Variants in NEDD4 observed in about 807,000 individuals in gnomAD.
The protein encoded by NEDD4 is E3 ubiquitin-protein ligase NEDD4.
Under a neutral mutation model 144.9 loss-of-function variants are expected in NEDD4, and 99 were observed. The ratio of observed to expected loss-of-function variants is 0.68; its 90% CI spans 0.58 to 0.81. The LOEUF is 0.81. Ranked by LOEUF, NEDD4 falls within the 30% of genes least tolerant of loss-of-function variation. The probability of loss-of-function intolerance (pLI) is 0.00; values close to 1 mark genes in which losing one functional copy is unlikely to be tolerated. For missense variants in NEDD4, 985 were observed against 1,065.9 expected, an observed-to-expected ratio of 0.92 and a Z score of 1.06; for synonymous variants, 318 against 350.6, an observed-to-expected ratio of 0.91 and a Z score of 1.04.
chr15:55,857,927 G>C (rs1267050704), intron 11 of NEDD4, among the ~76,000 whole-genome samples: 1 of 152,102 alleles, frequency 6.6e-6, no homozygotes. Context: ...GCGACAGAGT[G>C]AGACCCTATC....
chr15:55,884,740 A>T (rs1169934668), intron 5 of NEDD4, among the ~76,000 whole-genome samples: 1 of 152,176 alleles, frequency 6.6e-6, no homozygotes, highest in African/African-American at 2.4e-5. Flanking sequence ...AGGCTATTTT[A>T]AAAAACACAG....
intron 4 of NEDD4, among the ~76,000 whole-genome samples, chr15:55,932,016 T>C (rs1358281560): frequency 6.6e-6 from 1 of 152,198 alleles, no homozygotes; most frequent in Non-Finnish European, 1.5e-5. Flanking sequence ...TATGGTCTTT[T>C]GTAATTGGCT....
intron 1 of NEDD4, among the ~76,000 whole-genome samples, chr15:55,984,220 T>C (rs1317312502): frequency 2.6e-5 from 4 of 152,234 alleles, no homozygotes; most frequent in African/African-American, 7.2e-5. Flanking sequence ...TTCACATTCA[T>C]CATATTCCTG....
chr15:55,904,581 G>A (rs1274550451), intron 5 of NEDD4, among the ~76,000 whole-genome samples: 3 of 152,104 alleles, frequency 2.0e-5, no homozygotes, highest in Non-Finnish European at 4.4e-5. Context: ...GGGATTACAG[G>A]TGTGAGCCAC....
chr15:55,970,634 G>A (rs2037591835), intron 1 of NEDD4, among the ~76,000 whole-genome samples: 1 of 152,200 alleles, frequency 6.6e-6, no homozygotes, highest in African/African-American at 2.4e-5. Context: ...AAGAGTCTCT[G>A]CCTGGTAATC....
chr15:55,843,897 T>C (rs1386323492), intron 18 of NEDD4, among the ~76,000 whole-genome samples: 1 of 152,076 alleles, frequency 6.6e-6, no homozygotes, highest in Non-Finnish European at 1.5e-5. Flanking sequence ...AATAAAAACA[T>C]AGGGTAAGAT....
intron 2 of NEDD4, among the ~76,000 whole-genome samples, chr15:55,954,799 C>A (rs1482074651): frequency 1.3e-5 from 2 of 151,856 alleles, no homozygotes; most frequent in African/African-American, 2.4e-5. Context: ...GCTGGGAATA[C>A]AGGCGTGAGC....
intron 5 of NEDD4, among the ~76,000 whole-genome samples, chr15:55,898,283 G>A (rs1296924197): frequency 6.6e-6 from 1 of 152,166 alleles, no homozygotes. Flanking sequence ...CCAGATTCCG[G>A]TTTTAATCAT....
At chr15:55,964,713 GTGTGT>G (rs2037483914) in intron 2 of NEDD4, among the ~76,000 whole-genome samples, 2 of 150,926 alleles carry the variant, frequency 1.3e-5, no homozygotes, top group Admixed American at 6.6e-5. Context: ...GTGTGTGTGT[GTGTGT>G]GTGTGTGTGT....
At chr15:55,902,902 G>C (rs2035956355) in intron 5 of NEDD4, among the ~76,000 whole-genome samples, 1 of 152,196 alleles carries the variant, frequency 6.6e-6, no homozygotes, top group Non-Finnish European at 1.5e-5. Flanking sequence ...TCAGGAGGCT[G>C]AGGCAGCAGA....
rs535843709 is a variant in NEDD4, at chr15:55,856,253, G to T, written c.961-57C>A. ...CTTGATATTTGTGATTTGCCTTTGA[G>T]TGACAGCTAAGGTAGTGAGGGTAAA... On this transcript the variant is annotated intron_variant, in intron 11 of 28. Coordinates refer to ENST00000435532, the MANE Select transcript of NEDD4 (RefSeq NM_006154.4). The T allele has an allele frequency of 4.7e-6, 7 of 1,478,362 alleles. No homozygotes were observed. In the African/African-American group the frequency reaches 9.7e-5, roughly 21 times the overall value. 91.6% of individuals were successfully genotyped at this position (1,478,362 alleles called of 1,614,324 possible).
Position 55,840,434 on chromosome 15 carries a change from G to T in NEDD4, c.2031+13C>A, listed in dbSNP as rs1212660384. ...ATTATACTTCGTCTATACTATAAGT[G>T]AAAAAGACATACCACAGATTCCATA... On this transcript the variant is annotated intron_variant, in intron 21 of 28. Coordinates refer to ENST00000435532, the MANE Select transcript of NEDD4 (RefSeq NM_006154.4). 1 of 1,608,534 alleles carries T rather than the reference G, an allele frequency of 6.2e-7. No homozygotes were observed. The highest frequency in any genetic ancestry group is 2.2e-5 in the East Asian group (1 of 44,768).
chr15:55,867,850 G>T (rs1031849290), intron 8 of NEDD4, among the ~76,000 whole-genome samples: 1 of 152,320 alleles, frequency 6.6e-6, no homozygotes, highest in South Asian at 2.1e-4. Flanking sequence ...GAGGCCAGGA[G>T]TTCAAGACCA....
intron 1 of NEDD4, among the ~76,000 whole-genome samples, chr15:55,973,310 G>T (rs1314333283): frequency 6.6e-6 from 1 of 152,164 alleles, no homozygotes; most frequent in Non-Finnish European, 1.5e-5. Context: ...ACGCCAAGAT[G>T]GGAGGACTTC....
At chr15:55,836,896 C>G (rs1453009886) in intron 24 of NEDD4, among the ~76,000 whole-genome samples, 6 of 151,422 alleles carry the variant, frequency 4.0e-5, no homozygotes, top group Non-Finnish European at 5.9e-5. Context: ...TGGGCTCAAG[C>G]AATCCTCCCG....
chr15:55,859,894 T>G (rs1254455031), intron 11 of NEDD4, among the ~76,000 whole-genome samples: 1 of 152,212 alleles, frequency 6.6e-6, no homozygotes, highest in Non-Finnish European at 1.5e-5. Context: ...TTCCCCATCC[T>G]GGCAAATGTG....
intron 4 of NEDD4, among the ~76,000 whole-genome samples, chr15:55,939,406 C>T (rs1020107029): frequency 6.6e-6 from 1 of 152,146 alleles, no homozygotes; most frequent in East Asian, 1.9e-4. Flanking sequence ...ACTGAGGCCT[C>T]CCCAGCCATG....
intron 5 of NEDD4, chr15:55,916,594 C>A: frequency 6.2e-7 from 1 of 1,614,054 alleles, no homozygotes; most frequent in South Asian, 1.1e-5. Flanking sequence ...TTTTTATTAA[C>A]ATTTTCAGAT....
chr15:55,937,450 A>T (rs918361732), intron 4 of NEDD4, among the ~76,000 whole-genome samples: 5 of 152,216 alleles, frequency 3.3e-5, no homozygotes, highest in Non-Finnish European at 7.3e-5. Context: ...ATGAATTAGC[A>T]TTGATCCACA....
Sources: gnomAD v4.1 joint callset for allele counts (sites outside exome capture counted in the v4.1 genomes callset) on GRCh38, gnomAD v4.1.1 for gene constraint, MANE v1.5 for transcripts, NCBI Gene and HGNC (gene_info 2026-07-23, HGNC 2026-07-21) for gene names.